NLN: variants seen among roughly 807,000 people sequenced by gnomAD.
NLN encodes neurolysin, mitochondrial.
NLN carries 64 observed loss-of-function variants against 79.9 expected under a neutral mutation model. The observed-to-expected ratio is 0.80, with a 90% CI of 0.65 to 0.99. The LOEUF is 0.99. Ranked by LOEUF, NLN falls within the 50% of genes least tolerant of loss-of-function variation. NLN has a pLI of 0.00. For missense variants in NLN, 835 were observed against 858.7 expected, an observed-to-expected ratio of 0.97 and a Z score of 0.34; for synonymous variants, 267 against 296.6, an observed-to-expected ratio of 0.90 and a Z score of 1.02.
chr5:65,751,964 G>A (rs1225554418), intron 1 of NLN, among the ~76,000 whole-genome samples: 1 of 152,144 alleles, frequency 6.6e-6, no homozygotes, highest in Non-Finnish European at 1.5e-5. Context: ...TGTTGGCCTG[G>A]TGCAGTGGCG....
chr5:65,787,901 G>A (rs955814493), intron 7 of NLN, among the ~76,000 whole-genome samples: 2 of 152,178 alleles, frequency 1.3e-5, no homozygotes, highest in Non-Finnish European at 2.9e-5. Flanking sequence ...AAGGGGCTAG[G>A]ACCATAAAAT....
At chr5:65,761,386 G>A (rs993292224) in intron 2 of NLN, among the ~76,000 whole-genome samples, 1 of 151,838 alleles carries the variant, frequency 6.6e-6, no homozygotes, top group Non-Finnish European at 1.5e-5. Context: ...TCCGCCTCCC[G>A]GGTTCAATCA....
intron 1 of NLN, among the ~76,000 whole-genome samples, chr5:65,724,808 T>C (rs1579899819): frequency 2.7e-5 from 4 of 149,240 alleles, no homozygotes; most frequent in Admixed American, 6.7e-5. Flanking sequence ...TTTTTTCTTT[T>C]TTTTTTTTTT....
intron 12 of NLN, 96 bp from the exon 13 acceptor site, chr5:65,822,685 T>C: frequency 1.1e-6 from 1 of 888,206 alleles, no homozygotes; most frequent in Non-Finnish European, 1.9e-6. Context: ...GCTAAAGTCC[T>C]TTTTCCTTCA....
At chr5:65,815,846 T>G (rs936940758) in intron 12 of NLN, among the ~76,000 whole-genome samples, 2 of 152,154 alleles carry the variant, frequency 1.3e-5, no homozygotes, top group African/African-American at 4.8e-5. Flanking sequence ...GGTACCCAGT[T>G]ATTAAAAATT....
At chr5:65,774,055 G>GTT (rs33910517) in intron 3 of NLN, among the ~76,000 whole-genome samples, 39,482 of 140,102 alleles carry the variant, frequency 0.28, 5,874 homozygotes, top group African/African-American at 0.4. Context: ...AGAATTCAAA[G>GTT]TTTTTTTTTT....
rs532304953 is a variant in NLN, at chr5:65,755,764, A to G, written c.42-2803A>G. Among the ~76,000 whole-genome samples the G allele has an allele frequency of 3.9e-5, 6 of 152,338 alleles. No individual in the cohort carries two copies. The East Asian group carries it at 9.6e-4, about 24-fold the overall frequency. On this transcript the variant is annotated intron_variant, in intron 1 of 12. Transcript: ENST00000380985. The stretch of plus-strand genomic sequence containing the variant: ...TGGCAGCCTGGAGTTGTAAGCATCA[A>G]CTAGTATGTGGACATGAGTTCTTGT...
intron 4 of NLN, among the ~76,000 whole-genome samples, chr5:65,777,790 C>G (rs573132742): frequency 1.1e-3 from 174 of 152,160 alleles, no homozygotes; most frequent in Non-Finnish European, 1.8e-3. Context: ...CCAAGCATTT[C>G]GGATAAGGGA....
chr5:65,780,645 T>A (rs1759780723), intron 5 of NLN, among the ~76,000 whole-genome samples: 1 of 152,100 alleles, frequency 6.6e-6, no homozygotes, highest in Non-Finnish European at 1.5e-5. Context: ...ACTAGTCTCT[T>A]CTTACTCAGT....
intron 1 of NLN, among the ~76,000 whole-genome samples, chr5:65,729,013 T>G (rs1005685623): frequency 2.0e-5 from 3 of 152,152 alleles, no homozygotes; most frequent in Non-Finnish European, 4.4e-5. Context: ...CCGGCTAATC[T>G]TTGTATTTCT....
chr5:65,768,647 T>C (rs1759504301), intron 3 of NLN, among the ~76,000 whole-genome samples: 1 of 152,232 alleles, frequency 6.6e-6, no homozygotes, highest in Admixed American at 6.5e-5. Flanking sequence ...AGGCTGCAAG[T>C]CCGAGATCAG....
intron 9 of NLN, among the ~76,000 whole-genome samples, chr5:65,799,758 T>A (rs1470220505): frequency 2.6e-5 from 4 of 152,218 alleles, no homozygotes; most frequent in Non-Finnish European, 5.9e-5. Flanking sequence ...ATGGTGATAC[T>A]GAACTGTTGA....
chr5:65,766,559 AC>A (rs1467355257), intron 3 of NLN, among the ~76,000 whole-genome samples: 1 of 152,160 alleles, frequency 6.6e-6, no homozygotes, highest in African/African-American at 2.4e-5. Flanking sequence ...TTGGGTAGGG[AC>A]ACAGCCAAAC....
intron 1 of NLN, among the ~76,000 whole-genome samples, chr5:65,752,140 A>G (rs1020998516): frequency 1.3e-5 from 2 of 152,042 alleles, no homozygotes; most frequent in Admixed American, 1.3e-4. Flanking sequence ...TGGAAGGTTC[A>G]GGTAAGAGGA....
At chr5:65,769,206 C>T (rs1406084888) in intron 3 of NLN, among the ~76,000 whole-genome samples, 3 of 152,170 alleles carry the variant, frequency 2.0e-5, no homozygotes, top group Non-Finnish European at 2.9e-5. Flanking sequence ...CAAGGAACAC[C>T]ACATCTCAGT....
chr5:65,767,135 G>T (rs1219518679), intron 3 of NLN, among the ~76,000 whole-genome samples: 1 of 152,240 alleles, frequency 6.6e-6, no homozygotes, highest in East Asian at 1.9e-4. Context: ...ACTAGGCAGT[G>T]CCCTAGTGGG....
chr5:65,768,286 C>T (rs1472331965), intron 3 of NLN, among the ~76,000 whole-genome samples: 1 of 151,938 alleles, frequency 6.6e-6, no homozygotes, highest in Non-Finnish European at 1.5e-5. Context: ...GGGTGGGAGG[C>T]CTTAGGAACT....
chr5:65,745,814 A>G (rs1317879964), intron 1 of NLN, among the ~76,000 whole-genome samples: 2 of 152,126 alleles, frequency 1.3e-5, no homozygotes, highest in Non-Finnish European at 2.9e-5. Context: ...ATGTTTTAGG[A>G]TGATTACTCT....
At chr5:65,773,127 A>ATTTTTTTTTTTT in intron 3 of NLN, among the ~76,000 whole-genome samples, 1 of 96,610 alleles carries the variant, frequency 1.0e-5, no homozygotes. Flanking sequence ...CCTGAATTCT[A>ATTTTTTTTTTTT]TTTTTTTTTT....
Sources: allele counts gnomAD v4.1 joint callset (sites outside exome capture counted in the v4.1 genomes callset), GRCh38; gene constraint gnomAD v4.1.1; transcripts MANE v1.5; gene names NCBI Gene and HGNC (gene_info 2026-07-23, HGNC 2026-07-21).